CACNA1D: variants seen among roughly 807,000 people sequenced by gnomAD.
CACNA1D encodes voltage-dependent L-type calcium channel subunit alpha-1D.
Under a neutral mutation model 257.1 loss-of-function variants are expected in CACNA1D, and 55 were observed. That is an observed-to-expected ratio of 0.21 (90% confidence interval 0.17 to 0.27). CACNA1D has a LOEUF of 0.27. Among genes scored for constraint, CACNA1D ranks in the 10% least tolerant of loss-of-function variants. CACNA1D has a pLI of 1.00. For synonymous variants in CACNA1D, 980 were observed against 1,014.9 expected, an observed-to-expected ratio of 0.97 and a Z score of 0.65; for missense variants, 1,876 against 2,784.0, an observed-to-expected ratio of 0.67 and a Z score of 7.34.
chr3:53,744,870 G>A, intron 23 of CACNA1D, 43 bp downstream of exon 23: 1 of 1,157,124 alleles, frequency 8.6e-7, no homozygotes, highest in Non-Finnish European at 1.3e-6. Context: ...TTGGGTTGGG[G>A]TTGGCTGTAA....
chr3:53,508,627 A>G (rs2090967320), intron 3 of CACNA1D, among the ~76,000 whole-genome samples: 1 of 152,352 alleles, frequency 6.6e-6, no homozygotes, highest in African/African-American at 2.4e-5. Flanking sequence ...ATTGCATCAG[A>G]AACAGAGACC....
In CACNA1D at chr3:53,673,678, GGATAACT is replaced by G. The variant is rs766739312; in HGVS notation, c.1220+563_1220+569del. The G allele has an allele frequency of 2.7e-6, 4 of 1,489,372 alleles. No homozygotes were observed. In the South Asian group the frequency reaches 4.5e-5, roughly 17 times the overall value. The allele number at this position is 1,489,372 out of a possible 1,614,324, so 92.3% of individuals were successfully genotyped here. A position where few individuals can be genotyped will look rare whatever the true frequency, so the allele number is the denominator to read the frequency against. On this transcript the variant is annotated intron_variant, in intron 8 of 47. Coordinates refer to ENST00000350061, the MANE Select transcript of CACNA1D (RefSeq NM_001128840.3). The surrounding 1 kb of genome is among the most constrained non-coding windows in gnomAD (Gnocchi z 4.1). ...ACTGGGGCTCTGCTCTTTAGTAAAT[GGATAACT>G]GATAACTGATCTCCTTACATTTTAC...
chr3:53,619,136 C>G (rs775882665), intron 3 of CACNA1D, among the ~76,000 whole-genome samples: 1 of 152,166 alleles, frequency 6.6e-6, no homozygotes, highest in Non-Finnish European at 1.5e-5. Context: ...ACCAATAAAA[C>G]GGGCACACCC....
intron 3 of CACNA1D, among the ~76,000 whole-genome samples, chr3:53,586,003 C>T (rs780503144): frequency 6.6e-6 from 1 of 152,120 alleles, no homozygotes; most frequent in East Asian, 1.9e-4. Context: ...ATCTTCTGCT[C>T]TCTTATTTGA....
chr3:53,609,345 G>T (rs998306282), intron 3 of CACNA1D, among the ~76,000 whole-genome samples: 2 of 147,160 alleles, frequency 1.4e-5, no homozygotes, highest in Non-Finnish European at 3.0e-5. Flanking sequence ...GGGAGGCAGA[G>T]CTTGCAGTGA....
intron 3 of CACNA1D, among the ~76,000 whole-genome samples, chr3:53,630,742 G>T (rs1214277309): frequency 6.6e-6 from 1 of 152,220 alleles, no homozygotes; most frequent in African/African-American, 2.4e-5. Context: ...AAGAGGTCAA[G>T]ACCTGAGCTT....
chr3:53,723,944 A>T lies in CACNA1D; in HGVS notation c.2045A>T (p.Gln682Leu). The T allele has an allele frequency of 6.2e-7, 1 of 1,614,190 alleles. No homozygotes were observed. The highest frequency in any genetic ancestry group is 8.5e-7 in the Non-Finnish European group (1 of 1,180,044). The change falls in exon 14 of 48, where the codon CAA becomes CTA. Residue 682 changes from glutamine to leucine, a missense_variant. Gln to Leu is a moderately radical substitution (Grantham distance 113, BLOSUM62 -2). This residue lies in a region of CACNA1D where 257 missense variants were observed against 399.7 expected (regional missense o/e 0.64). Transcript: ENST00000350061. The surrounding 1 kb of genome is among the most constrained non-coding windows in gnomAD (Gnocchi z 5.6). Reference protein sequence around the residue: ...FGGKFNFDETQTKRSTFDNFP... With the variant: ...FGGKFNFDETLTKRSTFDNFP... ...GGCAAGTTTAATTTTGATGAAACGC[A>T]AACCAAGCGGAGCACCTTTGACAAT... is the stretch of plus-strand genomic sequence containing the variant.
At chr3:53,703,897 G>A (rs1179047304) in intron 9 of CACNA1D, among the ~76,000 whole-genome samples, 6 of 152,158 alleles carry the variant, frequency 3.9e-5, no homozygotes, top group Non-Finnish European at 8.8e-5. Flanking sequence ...TAGAGGGCAG[G>A]CACCGCCGAC....
At position 53,811,045 on chromosome 3, in the gene CACNA1D, T is replaced by C; in HGVS notation, c.6193-68T>C. 7.8e-7 allele frequency: 1 copy of C among 1,278,592 alleles called. No individual in the cohort carries two copies. The highest frequency in any genetic ancestry group is 1.1e-6 in the Non-Finnish European group (1 of 874,910). The allele number at this position is 1,278,592 out of a possible 1,614,324, so 79.2% of individuals were successfully genotyped here. ...TTAAGTTAGCACTGGAGTTGATTTT[T>C]CTGTCGTCCCCCTGCCCTGCAAAGC... is the stretch of plus-strand genomic sequence containing the variant. On this transcript the variant is annotated intron_variant, in intron 47 of 47. Transcript: ENST00000350061. This position sits in a 1 kb window ranked among gnomAD's most constrained non-coding sequence, Gnocchi z 4.2.
intron 40 of CACNA1D, chr3:53,796,272 T>C: frequency 8.8e-6 from 4 of 453,166 alleles, no homozygotes; most frequent in South Asian, 4.7e-5. Context: ...CTGCCTGTGA[T>C]GGGGAACAGG....
intron 3 of CACNA1D, among the ~76,000 whole-genome samples, chr3:53,612,194 T>A (rs1437587083): frequency 1.3e-5 from 2 of 152,258 alleles, no homozygotes; most frequent in African/African-American, 2.4e-5. Context: ...TCTGTTTCTG[T>A]TTAGTAATTT....
intron 9 of CACNA1D, among the ~76,000 whole-genome samples, chr3:53,714,678 T>G (rs957367164): frequency 4.6e-5 from 7 of 152,230 alleles, no homozygotes; most frequent in Non-Finnish European, 1.0e-4. Context: ...CACCAAAATG[T>G]ATACCAGTGA....
At chr3:53,618,461 G>A (rs898781311) in intron 3 of CACNA1D, among the ~76,000 whole-genome samples, 21 of 152,192 alleles carry the variant, frequency 1.4e-4, no homozygotes, top group African/African-American at 4.8e-4. Context: ...AGCCACCACA[G>A]CTCGCGGTCT....
Position 53,793,690 on chromosome 3 carries a change from G to A in CACNA1D, c.4924-6559G>A, listed in dbSNP as rs1160399599. ...TGGGGAATGGCATTGGCTAAGGTTG[G>A]TAGCCAAGGCCAGCTTAGGAAAGAC... On this transcript the variant is annotated intron_variant, in intron 40 of 47. Transcript: ENST00000350061. The surrounding 1 kb of genome is among the most constrained non-coding windows in gnomAD (Gnocchi z 4.1). 6.6e-6 allele frequency among the ~76,000 whole-genome samples: 1 copy of A among 152,200 alleles called. No homozygotes were observed. The highest frequency in any genetic ancestry group is 2.4e-5 in the African/African-American group (1 of 41,444).
chr3:53,523,935 T>C (rs2091670266), intron 3 of CACNA1D, among the ~76,000 whole-genome samples: 1 of 152,246 alleles, frequency 6.6e-6, no homozygotes, highest in Admixed American at 6.5e-5. Context: ...GTGTTGTCTC[T>C]TATCACTACT....
rs1323615379 is a variant in CACNA1D, at chr3:53,495,502, G to A, written c.67+269G>A. On this transcript the variant is annotated intron_variant, in intron 1 of 47. Coordinates refer to ENST00000350061, the MANE Select transcript of CACNA1D (RefSeq NM_001128840.3). The surrounding 1 kb of genome is among the most constrained non-coding windows in gnomAD (Gnocchi z 5.1). ...GGTGCAGCCGGAGGGGCGGCGAGTC[G>A]GGGTGATTCGGGTTCAGTGTCCTCG... 1.3e-5 allele frequency among the ~76,000 whole-genome samples: 2 copies of A among 152,062 alleles called. No individual in the cohort carries two copies. Among genetic ancestry groups the A allele is most frequent in the Non-Finnish European group, 2.9e-5 (2 of 67,990 alleles).
intron 3 of CACNA1D, among the ~76,000 whole-genome samples, chr3:53,600,288 G>T (rs1006180374): frequency 6.6e-6 from 1 of 152,214 alleles, no homozygotes; most frequent in Non-Finnish European, 1.5e-5. Context: ...AATTGATACG[G>T]ATGAAGTATT....
chr3:53,639,239 A>G (rs1407917024), intron 3 of CACNA1D, among the ~76,000 whole-genome samples: 1 of 152,140 alleles, frequency 6.6e-6, no homozygotes, highest in East Asian at 1.9e-4. Context: ...TGTCTCTACT[A>G]AAAATACAAA....
intron 8 of CACNA1D, among the ~76,000 whole-genome samples, chr3:53,693,569 A>G (rs1177372987): frequency 2.6e-5 from 4 of 152,010 alleles, no homozygotes; most frequent in Non-Finnish European, 1.5e-5. Context: ...GAATCAAACT[A>G]CATTTGCATT....
Sources: allele counts gnomAD v4.1 joint callset (sites outside exome capture counted in the v4.1 genomes callset), GRCh38; gene constraint gnomAD v4.1.1; regional missense constraint gnomAD v4.1.1; non-coding constraint Gnocchi (gnomAD v3.1); transcripts MANE v1.5; gene names NCBI Gene and HGNC (gene_info 2026-07-23, HGNC 2026-07-21).